Variants in VAV1 observed in about 807,000 individuals in gnomAD.
The protein encoded by VAV1 is proto-oncogene vav.
A neutral mutation model predicts 128.1 loss-of-function variants in VAV1; 33 were observed. The observed-to-expected ratio is 0.26, with a 90% CI of 0.20 to 0.34. VAV1 has a LOEUF of 0.34. Ranked by LOEUF, VAV1 falls within the 10% of genes least tolerant of loss-of-function variation. The pLI, the probability that VAV1 is intolerant of heterozygous loss-of-function variation, is 1.00. For missense variants in VAV1, 715 were observed against 1,093.7 expected, an observed-to-expected ratio of 0.65 and a Z score of 4.88; for synonymous variants, 394 against 409.8, an observed-to-expected ratio of 0.96 and a Z score of 0.47.
chr19:6,781,238 G>A (rs1294575480), intron 1 of VAV1, among the ~76,000 whole-genome samples: 1 of 152,154 alleles, frequency 6.6e-6, no homozygotes, highest in African/African-American at 2.4e-5. Context: ...ATTTTAAGAC[G>A]TTTTATTTTG....
At chr19:6,805,897 G>A (rs1021926040) in intron 1 of VAV1, among the ~76,000 whole-genome samples, 2 of 152,052 alleles carry the variant, frequency 1.3e-5, no homozygotes, top group South Asian at 4.2e-4. Context: ...GGACTGCCCT[G>A]ATGGAAGTGT....
intron 1 of VAV1, among the ~76,000 whole-genome samples, chr19:6,814,909 T>C (rs1261977810): frequency 6.6e-6 from 1 of 151,806 alleles, no homozygotes; most frequent in Non-Finnish European, 1.5e-5. Context: ...TTTATCAGGT[T>C]ACAGAAGTTC....
At position 6,852,950 on chromosome 19, in the gene VAV1, TG is replaced by T; in HGVS notation, c.2218-13del. The T allele has an allele frequency of 1.0e-5, 16 of 1,603,892 alleles. No homozygotes were observed. The highest frequency in any genetic ancestry group is 1.4e-5 in the Non-Finnish European group (16 of 1,173,166). The stretch of plus-strand genomic sequence containing the variant: ...GCCCGCTGGGATAGCATCTGCCATG[TG>T]GTCCGCCTTCTAGGAGCTGGTGGAG... On this transcript the variant is annotated splice_polypyrimidine_tract_variant and intron_variant, in intron 24 of 26. Coordinates refer to ENST00000602142, the MANE Select transcript of VAV1 (RefSeq NM_005428.4).
chr19:6,833,776 G>A (rs753059692), intron 18 of VAV1, 43 bp downstream of exon 18: 17 of 1,613,912 alleles, frequency 1.1e-5, no homozygotes, highest in Middle Eastern at 1.6e-4. Context: ...ACAAATAATG[G>A]GCAACAGCGC....
chr19:6,848,914 C>G (rs934584764), intron 23 of VAV1, among the ~76,000 whole-genome samples: 2 of 151,830 alleles, frequency 1.3e-5, no homozygotes, highest in African/African-American at 4.8e-5. Context: ...CTAGCTCAGC[C>G]TCCCCAGTGG....
Position 6,828,726 on chromosome 19 carries a change from G to A in VAV1, c.1179+18G>A, listed in dbSNP as rs1294218703. 6.2e-7 allele frequency: 1 copy of A among 1,614,050 alleles called. No individual in the cohort carries two copies. The highest frequency in any genetic ancestry group is 8.5e-7 in the Non-Finnish European group (1 of 1,180,032). Reference sequence around the variant, plus strand: ...AGAACCTGGTGAGGCGGTGGAGCCGGGTGGGCCAGGGGTGTGGCCACGTGG... The same window carrying A: ...AGAACCTGGTGAGGCGGTGGAGCCGAGTGGGCCAGGGGTGTGGCCACGTGG... On this transcript the variant is annotated intron_variant, in intron 12 of 26. Coordinates refer to ENST00000602142, the MANE Select transcript of VAV1 (RefSeq NM_005428.4). The surrounding 1 kb of genome is among the most constrained non-coding windows in gnomAD (Gnocchi z 4.5).
chr19:6,798,703 G>A (rs537776097), intron 1 of VAV1, among the ~76,000 whole-genome samples: 77 of 150,762 alleles, frequency 5.1e-4, no homozygotes, highest in African/African-American at 1.3e-3. Context: ...AAGAATCAGG[G>A]TCTCCCTATG....
chr19:6,812,795 A>G (rs2135788), intron 1 of VAV1, among the ~76,000 whole-genome samples: 16,559 of 152,090 alleles, frequency 0.11, 1,921 homozygotes, highest in African/African-American at 0.3. Flanking sequence ...GGTGGTGATG[A>G]TTATAATGGT....
intron 9 of VAV1, among the ~76,000 whole-genome samples, chr19:6,827,708 C>T (rs758507734): frequency 2.6e-5 from 4 of 151,900 alleles, no homozygotes; most frequent in African/African-American, 9.7e-5. Flanking sequence ...AAGCAATTCT[C>T]CTGCCTCAGT....
At chr19:6,849,334 G>A (rs925603712) in intron 23 of VAV1, among the ~76,000 whole-genome samples, 3 of 135,098 alleles carry the variant, frequency 2.2e-5, no homozygotes, top group African/African-American at 9.2e-5. Context: ...TGCCGCCCAG[G>A]CTGGAGTGCA....
At chr19:6,833,982 G>A (rs757570229) in intron 19 of VAV1, 29 bp downstream of exon 19, 5 of 1,613,882 alleles carry the variant, frequency 3.1e-6, no homozygotes, top group East Asian at 2.2e-5. Context: ...CTGTGTGGGG[G>A]CAGGAGGAAA....
intron 1 of VAV1, among the ~76,000 whole-genome samples, chr19:6,813,914 G>A (rs3097356): frequency 0.031 from 4,686 of 152,056 alleles, 263 homozygotes; most frequent in African/African-American, 0.11. Flanking sequence ...AAAAAAATTA[G>A]CCAGGTATGA....
chr19:6,855,842 T>C (rs1045870557), intron 26 of VAV1, among the ~76,000 whole-genome samples: 2 of 129,322 alleles, frequency 1.5e-5, no homozygotes, highest in African/African-American at 2.9e-5. Context: ...TCTATCTATC[T>C]ATCCATTCAT....
chr19:6,840,299 C>CTTTTTTT (rs1399297947), intron 21 of VAV1, among the ~76,000 whole-genome samples: 1 of 127,766 alleles, frequency 7.8e-6, no homozygotes, highest in African/African-American at 2.7e-5. Flanking sequence ...TCAGAATTTT[C>CTTTTTTT]TTTCTTTTTT....
chr19:6,854,881 G>C (rs1165320624), intron 26 of VAV1, among the ~76,000 whole-genome samples: 1 of 152,184 alleles, frequency 6.6e-6, no homozygotes, highest in Non-Finnish European at 1.5e-5. Context: ...TTGTATATGT[G>C]TTGGGGGAAA....
chr19:6,790,814 T>C (rs2135789), intron 1 of VAV1, among the ~76,000 whole-genome samples: 33,818 of 152,112 alleles, frequency 0.22, 4,021 homozygotes, highest in African/African-American at 0.31. Flanking sequence ...TTTCTAGAAA[T>C]AAAGTGGTAA....
At chr19:6,850,563 T>C in intron 23 of VAV1, 107 bp from the exon 24 acceptor site, 3 of 1,003,328 alleles carry the variant, frequency 3.0e-6, no homozygotes. Context: ...TGGTTTCCAG[T>C]AGTTACTCCT....
chr19:6,842,280 AAGTG>A (rs1972397998), intron 21 of VAV1, among the ~76,000 whole-genome samples: 1 of 152,146 alleles, frequency 6.6e-6, no homozygotes, highest in Non-Finnish European at 1.5e-5. Flanking sequence ...ACAAAAAAGA[AAGTG>A]AGCACTTTCA....
At chr19:6,830,043 G>A in intron 14 of VAV1, 125 bp downstream of exon 14, 1 of 1,448,292 alleles carries the variant, frequency 6.9e-7, no homozygotes, top group Non-Finnish European at 9.4e-7. Context: ...CCACTCAACA[G>A]GTGTTTTTTG....
Sources: allele counts gnomAD v4.1 joint callset (sites outside exome capture counted in the v4.1 genomes callset), GRCh38; gene constraint gnomAD v4.1.1; non-coding constraint Gnocchi (gnomAD v3.1); transcripts MANE v1.5; gene names NCBI Gene and HGNC (gene_info 2026-07-23, HGNC 2026-07-21).